The following RGS12 variants were observed in gnomAD, a reference collection of about 807,000 sequenced individuals.
RGS12 encodes the protein regulator of G protein signaling 12.
In RGS12, 66 loss-of-function variants were observed where a neutral mutation model predicts 120.1. That is an observed-to-expected ratio of 0.55 (90% CI 0.45 to 0.67). The LOEUF (loss-of-function observed/expected upper bound fraction) is 0.67, where lower values mean the gene tolerates loss of function less well. Ranked by LOEUF, RGS12 falls within the 30% of genes least tolerant of loss-of-function variation. The pLI, the probability that RGS12 is intolerant of heterozygous loss-of-function variation, is 0.00. For synonymous variants in RGS12, 827 were observed against 804.7 expected (o/e 1.03, Z -0.47); for missense variants, 1,859 against 1,957.7 (o/e 0.95, Z 0.95).
intron 4 of RGS12, chr4:3,407,596 G>A (rs966917361): frequency 2.0e-5 from 3 of 152,292 alleles, no homozygotes; most frequent in African/African-American, 7.2e-5. Context: ...GTCCCCATCT[G>A]CGTACCTTGT....
chr4:3,386,515 A>G, intron 4 of RGS12, 78 bp downstream of exon 4: 1 of 1,285,008 alleles, frequency 7.8e-7, no homozygotes, highest in Non-Finnish European at 1.1e-6. Flanking sequence ...TTGCCATTTG[A>G]TGCCCTCAGG....
intron 17 of RGS12, chr4:3,431,911 C>T (rs1282980542): frequency 2.0e-6 from 2 of 985,380 alleles, no homozygotes; most frequent in Non-Finnish European, 2.4e-6. Context: ...GCCGGGGGAC[C>T]AGGGAGTGCA....
chr4:3,355,794 CAAAAAAAAA>C (rs372490658), intron 3 of RGS12, among the ~76,000 whole-genome samples: 3 of 58,086 alleles, frequency 5.2e-5, no homozygotes, highest in Admixed American at 4.3e-4. Context: ...GACCTTGTCT[CAAAAAAAAA>C]AAAAAAAAAA....
At chr4:3,310,188 A>G (rs1339831724) in intron 1 of RGS12, among the ~76,000 whole-genome samples, 5 of 145,958 alleles carry the variant, frequency 3.4e-5, no homozygotes, top group African/African-American at 7.9e-5. Flanking sequence ...AGGAGCTGGG[A>G]CCCGGGAATG....
At chr4:3,427,672 G>T (rs553133962) in intron 14 of RGS12, among the ~76,000 whole-genome samples, 2 of 152,314 alleles carry the variant, frequency 1.3e-5, no homozygotes, top group East Asian at 3.9e-4. Context: ...GGATGCGGGG[G>T]TTGCAGTGAG....
At chr4:3,314,484 G>A (rs1028188678) in intron 1 of RGS12, 2 of 152,148 alleles carry the variant, frequency 1.3e-5, no homozygotes, top group Non-Finnish European at 2.9e-5. Context: ...CTCACTGCAA[G>A]CTCCACCTCC....
chr4:3,381,669 T>G (rs1478533016), intron 3 of RGS12, among the ~76,000 whole-genome samples: 5 of 152,180 alleles, frequency 3.3e-5, no homozygotes, highest in Admixed American at 6.5e-5. Context: ...TGAGGGTAAC[T>G]GTTCCCATGA....
intron 1 of RGS12, 111 bp from the exon 2 acceptor site, chr4:3,315,959 C>T (rs1724709891): frequency 2.1e-6 from 1 of 468,178 alleles, no homozygotes; most frequent in Non-Finnish European, 3.7e-6. Context: ...CTTAGAGGCT[C>T]TTTCTGTGGT....
At chr4:3,404,829 G>T (rs991491800) in intron 4 of RGS12, among the ~76,000 whole-genome samples, 6 of 152,248 alleles carry the variant, frequency 3.9e-5, no homozygotes, top group Admixed American at 3.9e-4. Flanking sequence ...TCTGTAGAGG[G>T]TGTCAGGCTC....
upstream of RGS12, chr4:3,292,906 G>T (rs1300751705): frequency 1.4e-5 from 2 of 144,982 alleles, no homozygotes; most frequent in Non-Finnish European, 3.1e-5. Context: ...CCCCCGCATC[G>T]CCCCGCCCCA....
upstream of RGS12, among the ~76,000 whole-genome samples, chr4:3,289,351 C>G (rs540141207): frequency 6.6e-6 from 1 of 152,102 alleles, no homozygotes; most frequent in East Asian, 1.9e-4. Context: ...CACAGGCACG[C>G]ACCACCACGC....
chr4:3,362,461 GGT>G (rs1243858242), intron 3 of RGS12, among the ~76,000 whole-genome samples: 5 of 139,718 alleles, frequency 3.6e-5, no homozygotes, highest in East Asian at 4.5e-4. Context: ...AGGGTGCGAG[GGT>G]GTGTGTGAGG....
chr4:3,340,307 C>G (rs1184270110), intron 2 of RGS12, among the ~76,000 whole-genome samples: 1 of 152,236 alleles, frequency 6.6e-6, no homozygotes, highest in Admixed American at 6.5e-5. Flanking sequence ...CCATGGCAGT[C>G]CCCTGGGGGA....
intron 4 of RGS12, among the ~76,000 whole-genome samples, chr4:3,411,737 G>T (rs1721755065): frequency 6.6e-6 from 1 of 152,276 alleles, no homozygotes; most frequent in African/African-American, 2.4e-5. Flanking sequence ...TTCACACCTG[G>T]CTTACATGCA....
At chr4:3,408,785 G>A (rs954258744) in intron 4 of RGS12, among the ~76,000 whole-genome samples, 1 of 152,188 alleles carries the variant, frequency 6.6e-6, no homozygotes, top group African/African-American at 2.4e-5. Flanking sequence ...CAGGTAATGT[G>A]TCTGCTTCCT....
At chr4:3,310,218 A>G in intron 1 of RGS12, among the ~76,000 whole-genome samples, 1 of 143,616 alleles carries the variant, frequency 7.0e-6, no homozygotes, top group Non-Finnish European at 1.5e-5. Context: ...CGCTGAGGGG[A>G]ACCGTGTGGG....
intron 2 of RGS12, among the ~76,000 whole-genome samples, chr4:3,340,932 G>A (rs1400634518): frequency 6.6e-6 from 1 of 152,082 alleles, no homozygotes; most frequent in South Asian, 2.1e-4. Context: ...TGTGTTGGCC[G>A]GTCCATCTGG....
chr4:3,321,214 A>G (rs1725163539), intron 2 of RGS12, among the ~76,000 whole-genome samples: 1 of 152,202 alleles, frequency 6.6e-6, no homozygotes, highest in South Asian at 2.1e-4. Flanking sequence ...CAGTGTGGAA[A>G]GGGGCTGAGT....
chr4:3,390,978 C>T lies in RGS12; in HGVS notation c.2020+4541C>T, dbSNP rs1719434927. 6.6e-6 allele frequency among the ~76,000 whole-genome samples: 1 copy of T among 152,198 alleles called. No individual in the cohort carries two copies. The highest frequency in any genetic ancestry group is 2.4e-5 in the African/African-American group (1 of 41,442). On this transcript the variant is annotated intron_variant, in intron 4 of 17. Coordinates refer to ENST00000336727, the MANE Select transcript of RGS12 (RefSeq NM_001394154.1). The surrounding 1 kb of genome is among the most constrained non-coding windows in gnomAD (Gnocchi z 4.6). ...AAGCTTGAGAGTAGAACCATCAGTA[C>T]TTACATAGAATTAGTTGATAAATTT...
Sources: gnomAD v4.1 joint callset for allele counts (sites outside exome capture counted in the v4.1 genomes callset) on GRCh38, gnomAD v4.1.1 for gene constraint, Gnocchi (gnomAD v3.1) non-coding constraint, MANE v1.5 for transcripts, NCBI Gene and HGNC (gene_info 2026-07-23, HGNC 2026-07-21) for gene names.